CACNA1I: variants seen among roughly 807,000 people sequenced by gnomAD.
The protein encoded by CACNA1I is voltage-dependent T-type calcium channel subunit alpha-1I.
In CACNA1I, 74 loss-of-function variants were observed where a neutral mutation model predicts 201.6. The observed-to-expected ratio is 0.37, with a 90% confidence interval of 0.30 to 0.45. The LOEUF is 0.45. Ranked by LOEUF, CACNA1I falls within the 20% of genes least tolerant of loss-of-function variation. The pLI, the probability that CACNA1I is intolerant of heterozygous loss-of-function variation, is 1.00. For synonymous variants in CACNA1I, 1,431 were observed against 1,345.2 expected (o/e 1.06, Z -1.40); for missense variants, 2,346 against 3,138.1 (o/e 0.75, Z 6.03).
intron 1 of CACNA1I, among the ~76,000 whole-genome samples, chr22:39,589,541 C>T (rs1932797892): frequency 6.6e-6 from 1 of 152,282 alleles, no homozygotes; most frequent in African/African-American, 2.4e-5. Context: ...CACCGTCACA[C>T]ATCACGGGTG....
At chr22:39,582,781 C>T (rs112639997) in intron 1 of CACNA1I, among the ~76,000 whole-genome samples, 1 of 144,440 alleles carries the variant, frequency 6.9e-6, no homozygotes, top group African/African-American at 2.6e-5. Flanking sequence ...ACCCACCCAC[C>T]CATCTTTCCC....
chr22:39,669,084 A>T (rs1935286804), intron 24 of CACNA1I, among the ~76,000 whole-genome samples: 1 of 152,062 alleles, frequency 6.6e-6, no homozygotes, highest in African/African-American at 2.4e-5. Flanking sequence ...TTTAGGCAAG[A>T]CGTGTGGCTG....
chr22:39,571,992 A>C (rs981062472), intron 1 of CACNA1I, among the ~76,000 whole-genome samples: 2 of 151,918 alleles, frequency 1.3e-5, no homozygotes, highest in Non-Finnish European at 2.9e-5. Flanking sequence ...AGTGGGAGGC[A>C]GGAGGAGGGC....
chr22:39,656,533 G>C (rs1253895756), intron 10 of CACNA1I: 1 of 511,136 alleles, frequency 2.0e-6, no homozygotes, highest in East Asian at 5.5e-5. Context: ...TGGCCCCAGA[G>C]CACGAGCTTC....
chr22:39,576,483 T>C (rs900019623), intron 1 of CACNA1I, among the ~76,000 whole-genome samples: 2 of 152,212 alleles, frequency 1.3e-5, no homozygotes, highest in African/African-American at 2.4e-5. Flanking sequence ...CAGGACAACA[T>C]TGCCACCTGC....
chr22:39,585,462 T>C (rs1334085493), intron 1 of CACNA1I, among the ~76,000 whole-genome samples: 1 of 140,876 alleles, frequency 7.1e-6, no homozygotes, highest in Non-Finnish European at 1.5e-5. Context: ...CGATCTTGGC[T>C]CACTGCAGCC....
At chr22:39,608,638 A>G (rs1406510287) in intron 3 of CACNA1I, among the ~76,000 whole-genome samples, 2 of 150,520 alleles carry the variant, frequency 1.3e-5, no homozygotes, top group African/African-American at 4.9e-5. Context: ...CAGAAGGTTG[A>G]GACCAGCCTG....
At chr22:39,667,637 A>G (rs1376248665) in intron 23 of CACNA1I, among the ~76,000 whole-genome samples, 1 of 151,918 alleles carries the variant, frequency 6.6e-6, no homozygotes, top group Non-Finnish European at 1.5e-5. Context: ...CTTAAGGGAC[A>G]TGAGGATGCT....
chr22:39,641,887 TAAC>T (rs1013645242), intron 6 of CACNA1I, among the ~76,000 whole-genome samples: 11 of 152,290 alleles, frequency 7.2e-5, no homozygotes, highest in African/African-American at 2.4e-4. Flanking sequence ...AATGGGGTAA[TAAC>T]AGCCCCCCTC....
Position 39,635,045 on chromosome 22 carries a change from C to T in CACNA1I, c.740+321C>T, listed in dbSNP as rs183657498. Among the ~76,000 whole-genome samples the T allele has an allele frequency of 3.7e-3, 567 of 152,188 alleles. 5 individuals carry two copies. The highest frequency in any genetic ancestry group is 0.013 in the African/African-American group (521 of 41,496). ...GAAAGCAGGGGGCGAGACATTCCTC[C>T]GAGAGAGGATTATTGACACACAAAT... is the stretch of plus-strand genomic sequence containing the variant. On this transcript the variant is annotated intron_variant, in intron 5 of 36. Transcript: ENST00000402142.
chr22:39,660,990 C>T, intron 15 of CACNA1I, 118 bp from the exon 16 acceptor site: 1 of 836,466 alleles, frequency 1.2e-6, no homozygotes, highest in South Asian at 1.5e-5. Flanking sequence ...GAGGAAGCCT[C>T]CTTAGAAAAG....
At chr22:39,631,947 G>A (rs764755291) in intron 4 of CACNA1I, among the ~76,000 whole-genome samples, 4 of 152,166 alleles carry the variant, frequency 2.6e-5, no homozygotes, top group Non-Finnish European at 5.9e-5. Context: ...GGGCTCTGTG[G>A]CCCTGGGACT....
At position 39,661,208 on chromosome 22, in the gene CACNA1I, C is replaced by A. The variant is rs367962264; in HGVS notation, c.2799C>A (p.Ala933=). ...HLGPAGAAGP[A]PRLSLQPDPM... is the part of the protein sequence containing the mutation. ...GTCCTGCTGGGGCTGCGGGACCTGC[C>A]CCCCGACTCTCACTGCAGCCGGACC... Residue 933 remains alanine (A), a synonymous_variant, in exon 16 of 37, where the codon GCC becomes GCA. Transcript: ENST00000402142. 3.7e-6 allele frequency: 6 copies of A among 1,612,278 alleles called. No homozygotes were observed. In the South Asian group the frequency reaches 5.5e-5, roughly 15 times the overall value.
At chr22:39,580,063 C>T (rs1038193607) in intron 1 of CACNA1I, among the ~76,000 whole-genome samples, 1 of 152,196 alleles carries the variant, frequency 6.6e-6, no homozygotes. Flanking sequence ...ACCCAAACAC[C>T]TCCCTCTAGG....
intron 1 of CACNA1I, among the ~76,000 whole-genome samples, chr22:39,593,776 C>G (rs967502818): frequency 1.7e-4 from 26 of 152,194 alleles, no homozygotes; most frequent in African/African-American, 6.0e-4. Flanking sequence ...TGTCTCAGCT[C>G]TGCTCTTTTC....
intron 1 of CACNA1I, among the ~76,000 whole-genome samples, chr22:39,590,119 G>A (rs867662896): frequency 3.3e-5 from 5 of 152,162 alleles, no homozygotes; most frequent in Non-Finnish European, 7.4e-5. Flanking sequence ...CCCGGGCGCC[G>A]GGCACTGCCC....
intron 6 of CACNA1I, among the ~76,000 whole-genome samples, chr22:39,641,856 C>A (rs529938210): frequency 9.2e-5 from 14 of 151,572 alleles, no homozygotes; most frequent in Middle Eastern, 3.4e-3. Context: ...CCTCTCTGTG[C>A]CTCAGTTTTC....
chr22:39,598,654 C>T (rs1328269792), intron 2 of CACNA1I, among the ~76,000 whole-genome samples: 2 of 152,144 alleles, frequency 1.3e-5, no homozygotes, highest in African/African-American at 2.4e-5. Context: ...CCCGACTCTC[C>T]TCTGCCTACA....
chr22:39,670,502 C>T (rs1293770448), intron 25 of CACNA1I, among the ~76,000 whole-genome samples: 1 of 152,192 alleles, frequency 6.6e-6, no homozygotes, highest in Admixed American at 6.5e-5. Context: ...ACCCTGGGTG[C>T]CCTGGGCCAT....
Sources: allele counts gnomAD v4.1 joint callset (sites outside exome capture counted in the v4.1 genomes callset), GRCh38; gene constraint gnomAD v4.1.1; transcripts MANE v1.5; gene names NCBI Gene and HGNC (gene_info 2026-07-23, HGNC 2026-07-21).